MIA3: variants seen among roughly 807,000 people sequenced by gnomAD.
MIA3 encodes the protein MIA SH3 domain ER export factor 3, also known as transport and Golgi organization protein 1 homolog.
Under a neutral mutation model 192.4 loss-of-function variants are expected in MIA3, and 90 were observed. The observed-to-expected ratio is 0.47, with a 90% confidence interval of 0.39 to 0.56. MIA3 has a LOEUF of 0.56. Ranked by LOEUF, MIA3 falls within the 20% of genes least tolerant of loss-of-function variation. MIA3 has a pLI of 0.00. For synonymous variants in MIA3, 740 were observed against 792.8 expected, an observed-to-expected ratio of 0.93 and a Z score of 1.12; for missense variants, 2,123 against 2,269.4, an observed-to-expected ratio of 0.94 and a Z score of 1.31.
chr1:222,642,699 A>G (rs1379518049), intron 6 of MIA3, among the ~76,000 whole-genome samples: 1 of 152,194 alleles, frequency 6.6e-6, no homozygotes, highest in African/African-American at 2.4e-5. Context: ...CTTCCTCCAC[A>G]TTCTCTCACC....
intron 6 of MIA3, among the ~76,000 whole-genome samples, chr1:222,634,948 A>G (rs1662564804): frequency 6.6e-6 from 1 of 152,234 alleles, no homozygotes; most frequent in South Asian, 2.1e-4. Context: ...AAATGACATG[A>G]TAATGTAAAA....
intron 6 of MIA3, among the ~76,000 whole-genome samples, chr1:222,638,769 C>T (rs376506504): frequency 4.6e-5 from 7 of 151,576 alleles, no homozygotes; most frequent in Middle Eastern, 6.8e-3. Flanking sequence ...CGCCAAAGAA[C>T]GAGTGGGAAA....
chr1:222,654,103 T>G, intron 15 of MIA3, 140 bp from the exon 16 acceptor site: 1 of 748,666 alleles, frequency 1.3e-6, no homozygotes, highest in South Asian at 1.9e-5. Context: ...CTCTTAAAAG[T>G]CAGTCTAATC....
At chr1:222,659,286 T>G in intron 19 of MIA3, 167 bp from the exon 20 acceptor site, 1 of 609,786 alleles carries the variant, frequency 1.6e-6, no homozygotes, top group Non-Finnish European at 2.9e-6. Flanking sequence ...GTATCATTAG[T>G]TTTCATCATA....
rs1219964953 is a variant in MIA3 at position 222,659,448 on chromosome 1, C to G, written c.4710-5C>G. 5 of 1,613,042 alleles carry G rather than the reference C, an allele frequency of 3.1e-6. No individual in the cohort carries two copies. Among genetic ancestry groups the G allele is most frequent in the Non-Finnish European group, 4.2e-6 (5 of 1,179,404 alleles). On this transcript the variant is annotated splice_region_variant and splice_polypyrimidine_tract_variant and intron_variant, in intron 19 of 27. Coordinates refer to ENST00000344922, the MANE Select transcript of MIA3 (RefSeq NM_198551.4). ...TTAAATGATAAAGCCAAGTGTAATT[C>G]TTAGGCGGAGAATTGAAGAAATGGA... is the stretch of plus-strand genomic sequence containing the variant.
chr1:222,651,253 G>C (rs1369036969), intron 11 of MIA3, among the ~76,000 whole-genome samples: 1 of 149,454 alleles, frequency 6.7e-6, no homozygotes, highest in Non-Finnish European at 1.5e-5. Flanking sequence ...TTTATTAATA[G>C]AATAGTTTTA....
Position 222,629,992 on chromosome 1 carries a change from T to TA in MIA3, c.2773dup (p.Ile925AsnfsTer7). 6.2e-7 allele frequency: 1 copy of TA among 1,614,128 alleles called. No homozygotes were observed. Among genetic ancestry groups the TA allele is most frequent in the Non-Finnish European group, 8.5e-7 (1 of 1,180,020 alleles). On this transcript the variant is annotated frameshift_variant, in exon 4 of 28. Transcript: ENST00000344922. LOFTEE classifies it high-confidence loss of function. ...ATAGTGACAAGAGGGAGGACTTACT[T>TA]ATCATAAGCAGCTTCTTTAAAGAAC...
chr1:222,648,552 G>A (rs1663264590), intron 7 of MIA3, among the ~76,000 whole-genome samples: 1 of 152,200 alleles, frequency 6.6e-6, no homozygotes, highest in Admixed American at 6.5e-5. Flanking sequence ...CATTTCGTAA[G>A]ACTGGTGCTC....
intron 3 of MIA3, among the ~76,000 whole-genome samples, chr1:222,626,335 T>C (rs972695464): frequency 7.9e-6 from 1 of 127,284 alleles, no homozygotes; most frequent in African/African-American, 2.9e-5. Flanking sequence ...CAGCAATTCA[T>C]TGGTCACAGA....
chr1:222,630,033 G>A lies in MIA3; in HGVS notation c.2813G>A (p.Arg938Gln), dbSNP rs896391026. 8 of 1,613,880 alleles carry A rather than the reference G, an allele frequency of 5.0e-6. No homozygotes were observed. Among genetic ancestry groups the A allele is most frequent in the Middle Eastern group, 1.6e-4 (1 of 6,084 alleles). Reference protein sequence around the residue: ...SFFKEQQSLQRFQKYFNVHEL... With the variant: ...SFFKEQQSLQQFQKYFNVHEL... ...TTTAAAGAACAACAGTCTTTGCAGC[G>A]GTTCCAGAAGTACTTTAATGTCCAT... is the stretch of plus-strand genomic sequence containing the variant. The change falls in exon 4 of 28, where the codon CGG becomes CAG. Residue 938 changes from arginine (R) to glutamine (Q), a missense_variant. By Grantham distance (43) the Arg-to-Gln change is conservative. Around this residue, in one of 3 missense-constraint regions of MIA3, gnomAD observed 1,357 missense variants for 1,396.1 expected, o/e 0.97. Coordinates refer to ENST00000344922, the MANE Select transcript of MIA3 (RefSeq NM_198551.4).
At chr1:222,625,846 C>A (rs1662091800) in intron 3 of MIA3, among the ~76,000 whole-genome samples, 1 of 152,220 alleles carries the variant, frequency 6.6e-6, no homozygotes, top group African/African-American at 2.4e-5. Context: ...AAGCAATTCT[C>A]CTGCCTCAGC....
At position 222,662,056 on chromosome 1, in the gene MIA3, G is replaced by T. The variant is rs370057097; in HGVS notation, c.5114G>T (p.Gly1705Val). Residue 1705 changes from glycine (G) to valine (V), a missense_variant and splice_region_variant, in exon 25 of 28, where the codon GGA becomes GTA. Gly to Val is a moderately radical substitution (Grantham distance 109). Transcript: ENST00000344922. ...NRRDMPRSEF[G>V]SVDGPLPHPR... ...AGGACTCTGTTATTTCTTTCTCAAG[G>T]ATCAGTGGACGGGCCTCTACCTCAT... The T allele has an allele frequency of 1.2e-6, 2 of 1,612,952 alleles. No homozygotes were observed. The highest frequency in any genetic ancestry group is 1.7e-6 in the Non-Finnish European group (2 of 1,179,246).
rs79980722 is a variant in MIA3 at position 222,641,706 on chromosome 1, G to T, written c.3478-3848G>T. On this transcript the variant is annotated intron_variant, in intron 6 of 27. Transcript: ENST00000344922. The stretch of plus-strand genomic sequence containing the variant: ...GTAATTCTCTTCCCTCATTGTTCTC[G>T]CTCAGCATGTTCAGACAGTCCTTGG... The T allele has an allele frequency of 9.9e-3, 5,455 of 553,594 alleles. 199 individuals are homozygous for T. The highest frequency in any genetic ancestry group is 0.076 in the East Asian group (1,555 of 20,462). 34.3% of individuals were successfully genotyped at this position (553,594 alleles called of 1,614,324 possible). A position where few individuals can be genotyped will look rare whatever the true frequency, so the allele number is the denominator to read the frequency against.
chr1:222,659,824 A>G, intron 22 of MIA3, 23 bp downstream of exon 22: 2 of 1,612,662 alleles, frequency 1.2e-6, no homozygotes, highest in South Asian at 1.1e-5. Flanking sequence ...TGATGGCTAT[A>G]TTTTCAGCGC....
chr1:222,654,678 G>T lies in MIA3; in HGVS notation c.4492G>T (p.Asp1498Tyr). ...AGACCAGGTAAAGAAATTGGAAGATGACCGCAACTCACTACAAGCTGCCAA... is the reference window on the plus strand; with the variant it reads ...AGACCAGGTAAAGAAATTGGAAGATTACCGCAACTCACTACAAGCTGCCAA... ...LEDQVKKLED[D>Y]RNSLQAAKAG... The change falls in exon 18 of 28, where the codon GAC becomes TAC. Residue 1498 changes from aspartate to tyrosine, a missense_variant. Transcript: ENST00000344922. The T allele has an allele frequency of 6.2e-7, 1 of 1,614,024 alleles. No homozygotes were observed. The highest frequency in any genetic ancestry group is 1.1e-5 in the South Asian group (1 of 91,060).
intron 2 of MIA3, 52 bp from the exon 3 acceptor site, chr1:222,624,716 C>T (rs1318783417): frequency 1.9e-5 from 16 of 855,862 alleles, no homozygotes; most frequent in Non-Finnish European, 3.0e-5. Flanking sequence ...GTTCATATTT[C>T]TCATACAGAA....
At position 222,659,480 on chromosome 1, in the gene MIA3, A is replaced by G. The variant is rs1663897685; in HGVS notation, c.4737A>G (p.Glu1579=). ...GGAGAATTGAAGAAATGGAGGATGAATTACAGAAGACAGAGCGGTCATTTA... is the reference window on the plus strand; with the variant it reads ...GGAGAATTGAAGAAATGGAGGATGAGTTACAGAAGACAGAGCGGTCATTTA... ...YKRRIEEMED[E]LQKTERSFKN... is the part of the protein sequence containing the mutation. The change falls in exon 20 of 28, where the codon GAA becomes GAG. Residue 1579 remains glutamate (E), a synonymous_variant. Coordinates refer to ENST00000344922, the MANE Select transcript of MIA3 (RefSeq NM_198551.4). 1 of 1,613,958 alleles carries G rather than the reference A, an allele frequency of 6.2e-7. No homozygotes were observed. The highest frequency in any genetic ancestry group is 8.5e-7 in the Non-Finnish European group (1 of 1,179,872).
intron 6 of MIA3, among the ~76,000 whole-genome samples, chr1:222,645,225 C>T (rs1345474458): frequency 3.3e-5 from 5 of 151,904 alleles, no homozygotes; most frequent in African/African-American, 7.3e-5. Flanking sequence ...CAATAAAAAC[C>T]AATTTATTCA....
intron 18 of MIA3, among the ~76,000 whole-genome samples, chr1:222,656,286 A>C (rs902384376): frequency 7.2e-5 from 11 of 151,948 alleles, no homozygotes; most frequent in Non-Finnish European, 1.0e-4. Context: ...AATATACTTT[A>C]ATGCAGGTTC....
Sources: gnomAD v4.1 joint callset for allele counts (sites outside exome capture counted in the v4.1 genomes callset) on GRCh38, gnomAD v4.1.1 for gene constraint, gnomAD v4.1.1 regional missense constraint, MANE v1.5 for transcripts, NCBI Gene and HGNC (gene_info 2026-07-23, HGNC 2026-07-21) for gene names.